SRP68: variants seen among roughly 807,000 people sequenced by gnomAD.
The protein encoded by SRP68 is signal recognition particle subunit SRP68.
Under a neutral mutation model 82.2 loss-of-function variants are expected in SRP68, and 15 were observed. That is an observed-to-expected ratio of 0.18 (90% CI 0.12 to 0.28). SRP68 has a LOEUF of 0.28. Ranked by LOEUF, SRP68 falls within the 10% of genes least tolerant of loss-of-function variation. The probability of loss-of-function intolerance (pLI) is 1.00; values close to 1 mark genes in which losing one functional copy is unlikely to be tolerated. For synonymous variants in SRP68, 261 were observed against 292.6 expected, an observed-to-expected ratio of 0.89 and a Z score of 1.10; for missense variants, 595 against 780.5, an observed-to-expected ratio of 0.76 and a Z score of 2.83.
rs113279242 is a variant in SRP68 at position 76,066,526 on chromosome 17, T to C, written c.365+691A>G. 2.7e-3 allele frequency among the ~76,000 whole-genome samples: 406 copies of C among 151,938 alleles called. 1 individual carries two copies. The highest frequency in any genetic ancestry group is 9.5e-3 in the African/African-American group (392 of 41,456). On this transcript the variant is annotated intron_variant, in intron 3 of 15. Coordinates refer to ENST00000307877, the MANE Select transcript of SRP68 (RefSeq NM_014230.4). The stretch of plus-strand genomic sequence containing the variant: ...TGATATATGCATCTAGTTTCAGACA[T>C]TGAAATTTATATTCTAGAAACCTTA...
At chr17:76,053,899 G>A (rs527822346) in intron 8 of SRP68, among the ~76,000 whole-genome samples, 1 of 152,316 alleles carries the variant, frequency 6.6e-6, no homozygotes, top group South Asian at 2.1e-4. Context: ...AACACGCAGA[G>A]GCAGGATTCC....
intron 9 of SRP68, chr17:76,049,058 G>A (rs766794306): frequency 2.0e-5 from 3 of 152,214 alleles, no homozygotes; most frequent in South Asian, 2.1e-4. Context: ...GCTAGGCAAC[G>A]AAGTTATTGT....
chr17:76,050,677 T>C, intron 8 of SRP68, 151 bp from the exon 9 acceptor site: 1 of 545,536 alleles, frequency 1.8e-6, no homozygotes, highest in Non-Finnish European at 3.3e-6. Context: ...TACTGTTCTC[T>C]ACCATATAAT....
rs767821341 is a variant in SRP68, at chr17:76,040,941, C to A, written c.1562G>T (p.Arg521Leu). ...GGCCTGCAGGGAGCACTTCTCTGAC[C>A]GCACTTGAGTGATGAGCTCTTGCAC... The part of the protein sequence containing the change: ...PDVQELITQV[R>L]SEKCSLQAAA... The change falls in exon 14 of 16, where the codon CGG (arginine) becomes CTG (leucine). Residue 521 changes from arginine (R) to leucine (L), a missense_variant. Coordinates refer to ENST00000307877, the MANE Select transcript of SRP68 (RefSeq NM_014230.4). 5.6e-6 allele frequency: 9 copies of A among 1,613,978 alleles called. No individual in the cohort carries two copies. The South Asian group carries it at 9.9e-5, about 18-fold the overall frequency.
chr17:76,070,479 A>G, intron 1 of SRP68, 35 bp from the exon 2 acceptor site: 1 of 1,562,102 alleles, frequency 6.4e-7, no homozygotes, highest in Non-Finnish European at 8.8e-7. Context: ...TTACCATAGC[A>G]AGAATCCAAA....
At chr17:76,062,706 T>TTATATATTATATAATATATAA (rs2066770957) in intron 4 of SRP68, among the ~76,000 whole-genome samples, 1 of 73,940 alleles carries the variant, frequency 1.4e-5, no homozygotes, top group Admixed American at 2.3e-4. Flanking sequence ...ATATTGTATA[T>TTATATATTATATAATATATAA]TATACAATAT....
Position 76,039,691 on chromosome 17 carries a change from C to T in SRP68, c.*15G>A, listed in dbSNP as rs768642199. ...TAAGAGTCAGAATCTCCCCCGCCCC[C>T]GAGGAAGAGCCTGGTTAGCTCCTGA... On this transcript the variant is annotated 3_prime_UTR_variant, in exon 16 of 16. Coordinates refer to ENST00000307877, the MANE Select transcript of SRP68 (RefSeq NM_014230.4). 1.4e-5 allele frequency: 22 copies of T among 1,607,028 alleles called. No individual in the cohort carries two copies. Among genetic ancestry groups the T allele is most frequent in the Middle Eastern group, 1.6e-4 (1 of 6,072 alleles).
chr17:76,063,392 T>C (rs1192633833), intron 4 of SRP68, among the ~76,000 whole-genome samples: 1 of 152,098 alleles, frequency 6.6e-6, no homozygotes, highest in Non-Finnish European at 1.5e-5. Flanking sequence ...TCTTAAAAAG[T>C]TACAGCTAGA....
rs1337425333 is a variant in SRP68, at chr17:76,039,778, C to G, written c.1812G>C (p.Glu604Asp). The G allele has an allele frequency of 6.2e-7, 1 of 1,614,090 alleles. No individual in the cohort carries two copies. Among genetic ancestry groups the G allele is most frequent in the African/African-American group, 1.3e-5 (1 of 74,908 alleles). ...ALNHVAFPPL[E>D]DKLEQKTKSG... is the part of the protein sequence containing the mutation. Reference sequence around the variant, plus strand: ...TCTTGGTCTTCTGTTCCAACTTGTCCTCAAGGGGTGGGAAAGCCACATGGT... The same window carrying G: ...TCTTGGTCTTCTGTTCCAACTTGTCGTCAAGGGGTGGGAAAGCCACATGGT... Residue 604 changes from glutamate to aspartate, a missense_variant, in exon 16 of 16, where the codon GAG becomes GAC. This residue lies in a region of SRP68 where 495 missense variants were observed against 688.6 expected (regional missense o/e 0.72). Transcript: ENST00000307877.
chr17:76,041,030 C>T, intron 13 of SRP68, 52 bp from the exon 14 acceptor site: 1 of 1,510,770 alleles, frequency 6.6e-7, no homozygotes, highest in Non-Finnish European at 9.2e-7. Flanking sequence ...GTCAGAGAAG[C>T]ACACCAAGCT....
At chr17:76,065,371 T>C (rs1320339174) in intron 3 of SRP68, among the ~76,000 whole-genome samples, 1 of 150,090 alleles carries the variant, frequency 6.7e-6, no homozygotes, top group East Asian at 2.0e-4. Context: ...CAGGAGTTGT[T>C]CAAGGCTGCA....
Position 76,039,181 on chromosome 17 carries a change from C to T in SRP68, c.*525G>A, listed in dbSNP as rs1016993628. 2.9e-6 allele frequency: 1 copy of T among 342,232 alleles called. No individual in the cohort carries two copies. The highest frequency in any genetic ancestry group is 5.9e-6 in the Non-Finnish European group (1 of 169,562). The allele number at this position is 342,232 out of a possible 1,614,324, so 21.2% of individuals were successfully genotyped here. A position where few individuals can be genotyped will look rare whatever the true frequency, so the allele number is the denominator to read the frequency against. ...TAACATATTTCTTCTAAAAATAGAG[C>T]TCTCTGCTTGTCTGAAACTTCTTAG... is the stretch of plus-strand genomic sequence containing the variant. On this transcript the variant is annotated 3_prime_UTR_variant, in exon 16 of 16. Coordinates refer to ENST00000307877, the MANE Select transcript of SRP68 (RefSeq NM_014230.4).
At chr17:76,050,640 C>T (rs961628609) in intron 8 of SRP68, 114 bp from the exon 9 acceptor site, 25 of 671,354 alleles carry the variant, frequency 3.7e-5, no homozygotes, top group East Asian at 3.2e-4. Context: ...CACTCACGCA[C>T]GCCACACCAG....
At chr17:76,062,971 C>T (rs574631645) in intron 4 of SRP68, among the ~76,000 whole-genome samples, 130 of 150,474 alleles carry the variant, frequency 8.6e-4, no homozygotes, top group East Asian at 4.6e-3. Context: ...GGGGTTTCAC[C>T]GTGTTAGCCA....
chr17:76,060,277 A>T, intron 7 of SRP68, 31 bp downstream of exon 7: 2 of 1,519,704 alleles, frequency 1.3e-6, no homozygotes, highest in South Asian at 1.1e-5. Flanking sequence ...TTGTCCAAAG[A>T]CTTTTCACAA....
chr17:76,040,831 A>G (rs2598444), intron 14 of SRP68, 72 bp downstream of exon 14: 583,065 of 1,375,056 alleles, frequency 0.42, 134,312 homozygotes, highest in African/African-American at 0.88. Context: ...AAACAGTAGT[A>G]TGGGGTGTGA....
At chr17:76,054,514 T>C (rs563150793) in intron 8 of SRP68, among the ~76,000 whole-genome samples, 13 of 152,332 alleles carry the variant, frequency 8.5e-5, no homozygotes, top group African/African-American at 3.1e-4. Flanking sequence ...TGGTCCCTCT[T>C]CCACTCAAAT....
rs1478612898 is a variant in SRP68, at chr17:76,043,742, C to T, written c.1524+87G>A. 8.5e-6 allele frequency: 12 copies of T among 1,419,080 alleles called. No homozygotes were observed. In the African/African-American group the frequency reaches 8.9e-5, roughly 10 times the overall value. 87.9% of individuals were successfully genotyped at this position (1,419,080 alleles called of 1,614,324 possible). A position where few individuals can be genotyped will look rare whatever the true frequency, so the allele number is the denominator to read the frequency against. ...GCCAGGGAGGACCAGCCTGAGGTGGCGCCCAGCTGTTGTACCCTCACAGCT... is the reference window on the plus strand; with the variant it reads ...GCCAGGGAGGACCAGCCTGAGGTGGTGCCCAGCTGTTGTACCCTCACAGCT... On this transcript the variant is annotated intron_variant, in intron 13 of 15. Transcript: ENST00000307877.
At position 76,070,232 on chromosome 17, in the gene SRP68, A is replaced by AAAAC. The variant is rs1555630206; in HGVS notation, c.251+145_251+146insGTTT. Reference sequence around the variant, plus strand: ...AGCGAGACTCCATCTCAAAAAAAAAAAAAAAAACAAAGCAAACAAACAAAC... The same window carrying AAAAC: ...AGCGAGACTCCATCTCAAAAAAAAAAAAACAAAAAAACAAAGCAAACAAACAAAC... On this transcript the variant is annotated intron_variant, in intron 2 of 15. Transcript: ENST00000307877. 2,209 of 698,716 alleles carry AAAAC rather than the reference A, an allele frequency of 3.2e-3. 15 individuals are homozygous for AAAAC. The highest frequency in any genetic ancestry group is 4.1e-3 in the Non-Finnish European group (1,758 of 426,344). The allele number at this position is 698,716 out of a possible 1,614,324, so 43.3% of individuals were successfully genotyped here.
Sources: allele counts gnomAD v4.1 joint callset (sites outside exome capture counted in the v4.1 genomes callset), GRCh38; gene constraint gnomAD v4.1.1; regional missense constraint gnomAD v4.1.1; transcripts MANE v1.5; gene names NCBI Gene and HGNC (gene_info 2026-07-23, HGNC 2026-07-21).